Variants in MTMR3 observed in about 807,000 individuals in gnomAD.
MTMR3 encodes the protein phosphatidylinositol-3,5-bisphosphate 3-phosphatase MTMR3.
Under a neutral mutation model 132.4 loss-of-function variants are expected in MTMR3, and 32 were observed. The observed-to-expected ratio is 0.24, with a 90% CI of 0.18 to 0.32. MTMR3 has a LOEUF of 0.32. Among genes scored for constraint, MTMR3 ranks in the 10% least tolerant of loss-of-function variants. MTMR3 has a pLI of 1.00. For missense variants in MTMR3, 1,216 were observed against 1,489.6 expected (o/e 0.82, Z 3.02); for synonymous variants, 556 against 550.3 (o/e 1.01, Z -0.14).
chr22:29,922,597 A>G (rs1266474220), intron 1 of MTMR3, among the ~76,000 whole-genome samples: 3 of 152,188 alleles, frequency 2.0e-5, no homozygotes, highest in Non-Finnish European at 2.9e-5. Flanking sequence ...GAATGCTCCT[A>G]TGAACATTGG....
chr22:29,895,924 G>A (rs1272970516), intron 1 of MTMR3, among the ~76,000 whole-genome samples: 4 of 152,150 alleles, frequency 2.6e-5, no homozygotes, highest in African/African-American at 7.2e-5. Flanking sequence ...GAAATGGTTC[G>A]TCGTCGTTAC....
chr22:29,946,057 TTAAA>T lies in MTMR3; in HGVS notation c.-137-10976_-137-10973del, dbSNP rs538108068. On this transcript the variant is annotated intron_variant, in intron 1 of 19. Coordinates refer to ENST00000401950, the MANE Select transcript of MTMR3 (RefSeq NM_021090.4). ...TGTGTGTAAGGTAATCAAGGTATAATTAAATATAAGCAAATGTTTGAGAGTCAAT... is the reference window on the plus strand; with the variant it reads ...TGTGTGTAAGGTAATCAAGGTATAATTATAAGCAAATGTTTGAGAGTCAAT... Among the ~76,000 whole-genome samples the T allele has an allele frequency of 7.4e-3, 1,101 of 149,630 alleles. 11 individuals carry two copies. The highest frequency in any genetic ancestry group is 0.012 in the Non-Finnish European group (813 of 67,372).
At chr22:29,965,720 T>A (rs1333162378) in intron 2 of MTMR3, among the ~76,000 whole-genome samples, 1 of 152,132 alleles carries the variant, frequency 6.6e-6, no homozygotes, top group Non-Finnish European at 1.5e-5. Context: ...TAGATTTGAC[T>A]GGGAAGATAG....
At chr22:29,890,287 C>T (rs917914667) in intron 1 of MTMR3, among the ~76,000 whole-genome samples, 2 of 151,962 alleles carry the variant, frequency 1.3e-5, no homozygotes, top group East Asian at 2.0e-4. Flanking sequence ...GAGGCCAAGG[C>T]GGGTGGATCA....
At chr22:29,896,739 ATTTAAGAGTGTAT>A (rs1681350469) in intron 1 of MTMR3, among the ~76,000 whole-genome samples, 1 of 152,202 alleles carries the variant, frequency 6.6e-6, no homozygotes, top group Non-Finnish European at 1.5e-5. Flanking sequence ...ATAACCATTT[ATTTAAGAGTGTAT>A]TCCAGTATTA....
intron 3 of MTMR3, among the ~76,000 whole-genome samples, chr22:29,972,906 T>G (rs1215465024): frequency 6.6e-6 from 1 of 152,212 alleles, no homozygotes; most frequent in Non-Finnish European, 1.5e-5. Context: ...ATGTCTCATA[T>G]GTATGTTTTA....
intron 8 of MTMR3, chr22:29,999,479 T>A (rs1362474623): frequency 6.6e-6 from 1 of 152,230 alleles, no homozygotes; most frequent in East Asian, 1.9e-4. Context: ...TACAATATTT[T>A]AAATAATTTC....
chr22:29,906,045 G>A (rs1206667335), intron 1 of MTMR3, among the ~76,000 whole-genome samples: 1 of 151,882 alleles, frequency 6.6e-6, no homozygotes, highest in Non-Finnish European at 1.5e-5. Context: ...TTTTGAGGTG[G>A]GGTTCTCATT....
intron 1 of MTMR3, among the ~76,000 whole-genome samples, chr22:29,904,043 T>C (rs1435719223): frequency 6.6e-6 from 1 of 152,210 alleles, no homozygotes; most frequent in Non-Finnish European, 1.5e-5. Context: ...AGGTTAACCG[T>C]TGGTCTTCTA....
At position 30,026,044 on chromosome 22, in the gene MTMR3, C is replaced by A; in HGVS notation, c.*243C>A. On this transcript the variant is annotated 3_prime_UTR_variant, in exon 20 of 20. Coordinates refer to ENST00000401950, the MANE Select transcript of MTMR3 (RefSeq NM_021090.4). ...AAAAAGGAAACTTTCCCTTGGTTGTCTTAATTTTTTTTTTTTTTGATGGAA... is the reference window on the plus strand; with the variant it reads ...AAAAAGGAAACTTTCCCTTGGTTGTATTAATTTTTTTTTTTTTTGATGGAA... 2 of 434,070 alleles carry A rather than the reference C, an allele frequency of 4.6e-6. No homozygotes were observed. The highest frequency in any genetic ancestry group is 8.1e-6 in the Non-Finnish European group (2 of 245,522). The allele number at this position is 434,070 out of a possible 1,614,324, so 26.9% of individuals were successfully genotyped here. A position where few individuals can be genotyped will look rare whatever the true frequency, so the allele number is the denominator to read the frequency against.
At chr22:29,922,489 C>T (rs898313847) in intron 1 of MTMR3, among the ~76,000 whole-genome samples, 2 of 152,116 alleles carry the variant, frequency 1.3e-5, no homozygotes, top group Non-Finnish European at 2.9e-5. Flanking sequence ...CCTGCTTTTA[C>T]TTCTTGTGGG....
Position 30,027,984 on chromosome 22 carries a change from A to G in MTMR3, c.*2183A>G, listed in dbSNP as rs1259791817. On this transcript the variant is annotated 3_prime_UTR_variant, in exon 20 of 20. Coordinates refer to ENST00000401950, the MANE Select transcript of MTMR3 (RefSeq NM_021090.4). ...GACCTTTGGCAAAGGAAAGCTACAG[A>G]TAGCCTTCCGACTCTAGACCTTGGC... 2.0e-5 allele frequency: 3 copies of G among 152,354 alleles called. No individual in the cohort carries two copies. Among genetic ancestry groups the G allele is most frequent in the Admixed American group, 1.3e-4 (2 of 15,284 alleles). The allele number at this position is 152,354 out of a possible 1,614,324, so 9.4% of individuals were successfully genotyped here.
At chr22:30,018,803 C>T (rs1418724734) in intron 16 of MTMR3, 1 of 151,842 alleles carries the variant, frequency 6.6e-6, no homozygotes. Flanking sequence ...TAAATTCAGA[C>T]TGATAGATAA....
chr22:29,937,790 A>G (rs2065779978), intron 1 of MTMR3, among the ~76,000 whole-genome samples: 1 of 152,194 alleles, frequency 6.6e-6, no homozygotes, highest in Non-Finnish European at 1.5e-5. Context: ...AAATTGTACA[A>G]GAAGATTTGA....
At chr22:30,018,157 A>G (rs2067646861) in intron 16 of MTMR3, 85 bp downstream of exon 16, 2 of 1,389,718 alleles carry the variant, frequency 1.4e-6, no homozygotes, top group East Asian at 2.6e-5. Flanking sequence ...GTCAGAGATC[A>G]TGATGGTATC....
intron 1 of MTMR3, among the ~76,000 whole-genome samples, chr22:29,926,121 T>C (rs1265233397): frequency 6.6e-6 from 1 of 152,206 alleles, no homozygotes; most frequent in Admixed American, 6.5e-5. Flanking sequence ...ATTTTGATAT[T>C]TTATTTAAAT....
At position 30,020,195 on chromosome 22, in the gene MTMR3, A is replaced by G. The variant is rs761079310; in HGVS notation, c.2536A>G (p.Thr846Ala). The G allele has an allele frequency of 1.5e-5, 24 of 1,614,080 alleles. No homozygotes were observed. The highest frequency in any genetic ancestry group is 2.7e-5 in the African/African-American group (2 of 74,918). The change falls in exon 17 of 20, where the codon ACA becomes GCA. Residue 846 changes from threonine (T) to alanine (A), a missense_variant. Transcript: ENST00000401950. The stretch of plus-strand genomic sequence containing the variant: ...CAGAGGACCAAACGTGGACAGTTCT[A>G]CAGACATGTTAGTGGAAGATAAGGT... ...ETRGPNVDSSTDMLVEDKVKS... is the reference protein window; with the variant it reads ...ETRGPNVDSSADMLVEDKVKS...
At position 29,928,237 on chromosome 22, in the gene MTMR3, ATC is replaced by A. The variant is rs375256871; in HGVS notation, c.-137-28793_-137-28792del. On this transcript the variant is annotated intron_variant, in intron 1 of 19. Coordinates refer to ENST00000401950, the MANE Select transcript of MTMR3 (RefSeq NM_021090.4). ...CCCCAGGCTGGAGTACGATGGCATG[ATC>A]TCTCTGGTCACTGCCGCCTCCGCCT... 4.8e-3 allele frequency among the ~76,000 whole-genome samples: 647 copies of A among 135,994 alleles called. 6 individuals are homozygous for A. Among genetic ancestry groups the A allele is most frequent in the African/African-American group, 0.017 (611 of 35,704 alleles). 89.2% of individuals were successfully genotyped at this position (135,994 alleles called of 152,430 possible). A position where few individuals can be genotyped will look rare whatever the true frequency, so the allele number is the denominator to read the frequency against.
At chr22:29,901,126 A>G (rs2145725937) in intron 1 of MTMR3, among the ~76,000 whole-genome samples, 1 of 152,272 alleles carries the variant, frequency 6.6e-6, no homozygotes, top group East Asian at 1.9e-4. Flanking sequence ...CAAAATTAGG[A>G]GAAGAGTCTC....
Sources: allele counts gnomAD v4.1 joint callset (sites outside exome capture counted in the v4.1 genomes callset), GRCh38; gene constraint gnomAD v4.1.1; transcripts MANE v1.5; gene names NCBI Gene and HGNC (gene_info 2026-07-23, HGNC 2026-07-21).